The following ZNF695 variants were observed in gnomAD, a reference collection of about 807,000 sequenced individuals.
The protein encoded by ZNF695 is zinc finger protein 695, also known as zinc finger protein SBZF3.
ZNF695 carries 11 observed loss-of-function variants against 11.2 expected under a neutral mutation model. That is an observed-to-expected ratio of 0.98 (90% CI 0.62 to 1.62). The LOEUF (loss-of-function observed/expected upper bound fraction) is 1.62, where lower values mean the gene tolerates loss of function less well. ZNF695 is among the 40% of genes most tolerant of loss of function. The probability of loss-of-function intolerance (pLI) is 0.00; values close to 1 mark genes in which losing one functional copy is unlikely to be tolerated. For synonymous variants in ZNF695, 190 were observed against 201.4 expected, an observed-to-expected ratio of 0.94 and a Z score of 0.48; for missense variants, 559 against 590.5, an observed-to-expected ratio of 0.95 and a Z score of 0.55.
At chr1:246,975,721 G>A (rs151287215) in intron 4 of ZNF695, among the ~76,000 whole-genome samples, 126 of 152,250 alleles carry the variant, frequency 8.3e-4, no homozygotes, top group African/African-American at 2.9e-3. Context: ...TTGACAGTAA[G>A]GAGTAAGCTA....
chr1:246,959,282 C>CAAAAAAA lies in ZNF695; in HGVS notation c.488+8406_488+8412dup, dbSNP rs1189262229. Among the ~76,000 whole-genome samples, 3 of 7,432 alleles carry CAAAAAAA rather than the reference C, an allele frequency of 4.0e-4. 1 individual carries two copies. The highest frequency in any genetic ancestry group is 1.3e-3 in the African/African-American group (2 of 1,512). The allele number at this position is 7,432 out of a possible 152,430, so 4.9% of individuals were successfully genotyped here. A position where few individuals can be genotyped will look rare whatever the true frequency, so the allele number is the denominator to read the frequency against. ...TGGATGACAGAGTGAGACCCTGTCT[C>CAAAAAAA]AAAAAAAAAAAAAAAAAAAAAAAAA... On this transcript the variant is annotated intron_variant, in intron 5 of 5. Transcript: ENST00000487338.
At chr1:247,007,324 C>T (rs1266683653) in intron 1 of ZNF695, among the ~76,000 whole-genome samples, 3 of 151,758 alleles carry the variant, frequency 2.0e-5, no homozygotes, top group Admixed American at 2.0e-4. Context: ...GTGAAATCTC[C>T]GTTTCTAATA....
intron 5 of ZNF695, among the ~76,000 whole-genome samples, chr1:246,955,814 G>C (rs958054807): frequency 2.6e-5 from 4 of 152,246 alleles, no homozygotes; most frequent in Non-Finnish European, 5.9e-5. Context: ...CACAGAAGGT[G>C]CTCAGTGAGT....
rs77710962 is a variant in ZNF695, at chr1:246,961,045, G to A, written c.488+6650C>T. ...TCATTTAAAACATGTTCACTATGAA[G>A]GTGGGCTTCCTGACTTGATTCACTC... On this transcript the variant is annotated intron_variant, in intron 5 of 5. Transcript: ENST00000487338. Among the ~76,000 whole-genome samples the A allele has an allele frequency of 6.6e-4, 101 of 152,310 alleles. 3 individuals carry two copies. In the East Asian group the frequency reaches 0.016, roughly 24 times the overall value.
intron 5 of ZNF695, among the ~76,000 whole-genome samples, chr1:246,949,678 G>T (rs1320034330): frequency 6.6e-6 from 1 of 151,886 alleles, no homozygotes; most frequent in Non-Finnish European, 1.5e-5. Flanking sequence ...ATTCTTACAG[G>T]TTCCCAACAG....
intron 4 of ZNF695, among the ~76,000 whole-genome samples, chr1:246,976,730 C>G (rs1451607185): frequency 6.6e-6 from 1 of 152,040 alleles, no homozygotes; most frequent in African/African-American, 2.4e-5. Context: ...GGAGGCAGAG[C>G]TTGCAGTGTG....
Position 246,970,948 on chromosome 1 carries a change from T to C in ZNF695, c.391-3156A>G, listed in dbSNP as rs191270361. Among the ~76,000 whole-genome samples, 546 of 152,146 alleles carry C rather than the reference T, an allele frequency of 3.6e-3. 2 individuals are homozygous for C. Among genetic ancestry groups the C allele is most frequent in the Non-Finnish European group, 5.1e-3 (345 of 68,000 alleles). On this transcript the variant is annotated intron_variant, in intron 4 of 5. Transcript: ENST00000487338. ...GGTCCAGCCCTATTGGGTCTGTGGG[T>C]TTTTCTCCTTGTGTGCAGAGACGAG...
At chr1:246,950,257 T>A (rs577641685) in intron 5 of ZNF695, among the ~76,000 whole-genome samples, 56 of 152,308 alleles carry the variant, frequency 3.7e-4, no homozygotes, top group South Asian at 8.3e-4. Flanking sequence ...AGGACTATGC[T>A]TGAATATACA....
At chr1:246,990,069 A>G (rs1668983305) in intron 3 of ZNF695, among the ~76,000 whole-genome samples, 1 of 149,300 alleles carries the variant, frequency 6.7e-6, no homozygotes, top group South Asian at 2.3e-4. Flanking sequence ...ACGAGGGGAA[A>G]GGGAAGGGAA....
intron 5 of ZNF695, among the ~76,000 whole-genome samples, chr1:246,960,583 C>T (rs1205750657): frequency 1.3e-5 from 2 of 152,164 alleles, no homozygotes; most frequent in African/African-American, 4.8e-5. Context: ...AAGTTCTTTT[C>T]TTCATTTCTG....
intron 4 of ZNF695, among the ~76,000 whole-genome samples, chr1:246,975,010 G>A (rs997946157): frequency 1.3e-5 from 2 of 152,046 alleles, no homozygotes; most frequent in African/African-American, 4.8e-5. Context: ...CTTCCCTTCC[G>A]AGCCTCATGG....
chr1:246,960,889 G>A (rs531755108), intron 5 of ZNF695, among the ~76,000 whole-genome samples: 3 of 152,258 alleles, frequency 2.0e-5, no homozygotes, highest in Admixed American at 6.5e-5. Context: ...CTGCACTCCA[G>A]CCTGGGTGGA....
Position 246,999,924 on chromosome 1 carries a change from A to G in ZNF695, c.154T>C (p.Phe52Leu). Residue 52 changes from phenylalanine to leucine, a missense_variant, in exon 2 of 4, where the codon TTC becomes CTC. Physicochemically the swap from Phe to Leu is conservative, Grantham distance 22 (BLOSUM62 0). Coordinates refer to ENST00000339986, the MANE Select transcript of ZNF695 (RefSeq NM_020394.5). ...SLGEDSFNMQFLFHSLAMSKP... is the reference protein window; with the variant it reads ...SLGEDSFNMQLLFHSLAMSKP... ...ATGAAATCCTTACTGTGAAATAGGA[A>G]TTGCATATTGAAGCTATCCTCACCA... 3 of 1,614,058 alleles carry G rather than the reference A, an allele frequency of 1.9e-6. No individual in the cohort carries two copies. Among genetic ancestry groups the G allele is most frequent in the Non-Finnish European group, 2.5e-6 (3 of 1,179,980 alleles).
chr1:246,986,242 A>C lies in ZNF695; in HGVS notation c.*725T>G, dbSNP rs1332127496. 2.5e-5 allele frequency: 14 copies of C among 564,568 alleles called. No homozygotes were observed. The highest frequency in any genetic ancestry group is 3.1e-5 in the Non-Finnish European group (14 of 445,908). The allele number at this position is 564,568 out of a possible 1,614,324, so 35.0% of individuals were successfully genotyped here. On this transcript the variant is annotated 3_prime_UTR_variant, in exon 4 of 4. Transcript: ENST00000339986. ...TGCCACCAAGCCTGGCTTTTATTTT[A>C]CTTTTTGTAGAGATGAGGTTTTGCC... is the stretch of plus-strand genomic sequence containing the variant.
Position 247,007,961 on chromosome 1 carries a change from C to A in ZNF695, c.-53G>T. 6.8e-7 allele frequency: 1 copy of A among 1,472,296 alleles called. No individual in the cohort carries two copies. The highest frequency in any genetic ancestry group is 9.1e-7 in the Non-Finnish European group (1 of 1,100,618). 91.2% of individuals were successfully genotyped at this position (1,472,296 alleles called of 1,614,324 possible). A position where few individuals can be genotyped will look rare whatever the true frequency, so the allele number is the denominator to read the frequency against. Reference sequence around the variant, plus strand: ...CTCCCTATAAATCTCGCAATACCTGCAGGCCACAGGGCGATGGAGCCTGCG... The same window carrying A: ...CTCCCTATAAATCTCGCAATACCTGAAGGCCACAGGGCGATGGAGCCTGCG... On this transcript the variant is annotated 5_prime_UTR_variant, in exon 1 of 4. Coordinates refer to ENST00000339986, the MANE Select transcript of ZNF695 (RefSeq NM_020394.5).
At chr1:246,945,749 G>A (rs1000668029) in exon 6 of ZNF695, 1 of 1,549,168 alleles carries the variant, frequency 6.5e-7, no homozygotes, top group African/African-American at 1.4e-5. Context: ...CACGGAGCAG[G>A]GAGTCCAGGC....
chr1:246,951,728 C>T (rs1667873868), intron 5 of ZNF695, among the ~76,000 whole-genome samples: 1 of 152,208 alleles, frequency 6.6e-6, no homozygotes, highest in African/African-American at 2.4e-5. Flanking sequence ...TGTGGAAGAT[C>T]CTTCCTGTGG....
rs184497095 is a variant in ZNF695, at chr1:246,975,855, A to T, written c.391-8063T>A. On this transcript the variant is annotated intron_variant, in intron 4 of 5. Coordinates refer to the ZNF695 transcript ENST00000487338. ...CAAAAGGGAATCTTTAAAGAGGCTA[A>T]GTCTCAAAAGAGGTAAAAGAGAAGA... 1.0e-3 allele frequency among the ~76,000 whole-genome samples: 157 copies of T among 152,200 alleles called. 1 individual carries two copies. The highest frequency in any genetic ancestry group is 3.6e-3 in the African/African-American group (148 of 41,450).
At chr1:246,946,202 G>A (rs968910420) in intron 5 of ZNF695, among the ~76,000 whole-genome samples, 2 of 151,946 alleles carry the variant, frequency 1.3e-5, no homozygotes, top group Admixed American at 6.6e-5. Context: ...CTAATCCCAC[G>A]TCCCATCCCA....
Sources: gnomAD v4.1 joint callset for allele counts (sites outside exome capture counted in the v4.1 genomes callset) on GRCh38, gnomAD v4.1.1 for gene constraint, MANE v1.5 for transcripts, NCBI Gene and HGNC (gene_info 2026-07-23, HGNC 2026-07-21) for gene names.